The following MYO1D variants were observed in gnomAD, a reference collection of about 807,000 sequenced individuals.
The protein encoded by MYO1D is myosin ID.
A neutral mutation model predicts 122.0 loss-of-function variants in MYO1D; 83 were observed. The observed-to-expected ratio is 0.68, with a 90% CI of 0.57 to 0.82. The LOEUF (loss-of-function observed/expected upper bound fraction) is 0.82. Among genes scored for constraint, MYO1D ranks in the 40% least tolerant of loss-of-function variants. MYO1D has a pLI of 0.00. For synonymous variants in MYO1D, 464 were observed against 446.9 expected, an observed-to-expected ratio of 1.04 and a Z score of -0.48; for missense variants, 1,157 against 1,269.5, an observed-to-expected ratio of 0.91 and a Z score of 1.35.
At chr17:32,640,722 T>A (rs2088186276) in intron 19 of MYO1D, among the ~76,000 whole-genome samples, 1 of 151,314 alleles carries the variant, frequency 6.6e-6, no homozygotes, top group Non-Finnish European at 1.5e-5. Flanking sequence ...ATCCAGTCTA[T>A]CATTGTTGGA....
intron 21 of MYO1D, among the ~76,000 whole-genome samples, chr17:32,560,425 G>A (rs1597897882): frequency 6.7e-6 from 1 of 149,938 alleles, no homozygotes; most frequent in East Asian, 2.0e-4. Context: ...GTAATACTGA[G>A]ATGAAGCCAA....
intron 1 of MYO1D, among the ~76,000 whole-genome samples, chr17:32,872,070 A>T (rs1196954060): frequency 6.6e-6 from 1 of 152,044 alleles, no homozygotes; most frequent in East Asian, 1.9e-4. Flanking sequence ...CTGAGCAGAG[A>T]CCCTTGGAAA....
intron 21 of MYO1D, among the ~76,000 whole-genome samples, chr17:32,572,460 T>A (rs962220925): frequency 2.6e-5 from 4 of 152,310 alleles, no homozygotes; most frequent in Admixed American, 6.5e-5. Context: ...CCAAATATAT[T>A]TCACCATCTC....
chr17:32,786,541 C>G (rs930457677), intron 1 of MYO1D, among the ~76,000 whole-genome samples: 4 of 152,214 alleles, frequency 2.6e-5, no homozygotes, highest in African/African-American at 9.6e-5. Context: ...ATCATTAGGC[C>G]GGGCGCACTG....
intron 14 of MYO1D, among the ~76,000 whole-genome samples, chr17:32,722,894 G>T (rs1324138695): frequency 2.6e-5 from 4 of 152,092 alleles, no homozygotes; most frequent in Non-Finnish European, 4.4e-5. Context: ...CTTCAGGATG[G>T]GAGCTGGTCA....
chr17:32,662,509 A>T (rs1300138672), intron 16 of MYO1D, among the ~76,000 whole-genome samples: 1 of 152,012 alleles, frequency 6.6e-6, no homozygotes, highest in Non-Finnish European at 1.5e-5. Context: ...CGTCTCTACT[A>T]AAAAATACAA....
chr17:32,745,463 G>C, intron 12 of MYO1D, 178 bp from the exon 13 acceptor site: 1 of 518,238 alleles, frequency 1.9e-6, no homozygotes, highest in Non-Finnish European at 3.5e-6. Context: ...AAATAGAAGG[G>C]AATTTTCATC....
chr17:32,673,071 G>A (rs2088744931), intron 16 of MYO1D, among the ~76,000 whole-genome samples: 2 of 125,072 alleles, frequency 1.6e-5, no homozygotes, highest in Admixed American at 9.8e-5. Flanking sequence ...CCATTGTAAG[G>A]AATTACATAA....
chr17:32,565,876 AGG>A (rs2087168700), intron 21 of MYO1D, among the ~76,000 whole-genome samples: 2 of 152,072 alleles, frequency 1.3e-5, no homozygotes, highest in African/African-American at 4.8e-5. Flanking sequence ...GCGTGCCACC[AGG>A]TGTGGCTAAT....
At position 32,748,973 on chromosome 17, in the gene MYO1D, G is replaced by T. The variant is rs747394815; in HGVS notation, c.1501C>A (p.Arg501=). The change falls in exon 12 of 22, where the codon CGA becomes AGA. Residue 501 remains arginine, a synonymous_variant. Transcript: ENST00000318217. The stretch of plus-strand genomic sequence containing the variant: ...GCATAATGTCGAATTCGAAAATCTC[G>T]ATCAAACTCCAGAATTTTGTCTGAG... The part of the protein sequence containing the change: ...CASDKILEFD[R]DFRIRHYAGD... The T allele has an allele frequency of 6.2e-7, 1 of 1,613,810 alleles. No homozygotes were observed. Among genetic ancestry groups the T allele is most frequent in the Non-Finnish European group, 8.5e-7 (1 of 1,179,806 alleles).
chr17:32,543,827 C>T (rs1315191500), intron 21 of MYO1D, among the ~76,000 whole-genome samples: 1 of 152,044 alleles, frequency 6.6e-6, no homozygotes, highest in South Asian at 2.1e-4. Context: ...GAGTCTCGCT[C>T]TGTCACCCAG....
At chr17:32,580,666 C>T (rs565943859) in intron 21 of MYO1D, among the ~76,000 whole-genome samples, 145 of 152,190 alleles carry the variant, frequency 9.5e-4, no homozygotes, top group Non-Finnish European at 1.8e-3. Flanking sequence ...GCCTTGGGCT[C>T]CCAAAGTGCT....
In MYO1D at chr17:32,877,059, G is replaced by C; in HGVS notation, c.-187C>G. 1 of 234,048 alleles carries C rather than the reference G, an allele frequency of 4.3e-6. No homozygotes were observed. Among genetic ancestry groups the C allele is most frequent in the Non-Finnish European group, 8.1e-6 (1 of 123,060 alleles). 14.5% of individuals were successfully genotyped at this position (234,048 alleles called of 1,614,324 possible). A position where few individuals can be genotyped will look rare whatever the true frequency, so the allele number is the denominator to read the frequency against. ...GCTGCTCCTCGGCGCCTTCTCGGCC[G>C]GCGCGGCTCCGAACGGGACGCACCC... On this transcript the variant is annotated 5_prime_UTR_variant, in exon 1 of 22. Coordinates refer to ENST00000318217, the MANE Select transcript of MYO1D (RefSeq NM_015194.3).
intron 20 of MYO1D, among the ~76,000 whole-genome samples, chr17:32,633,779 C>T (rs141001916): frequency 1.3e-5 from 2 of 152,198 alleles, no homozygotes; most frequent in African/African-American, 4.8e-5. Flanking sequence ...ACCAAGTACA[C>T]GTACGGTTCA....
At chr17:32,858,510 T>C (rs1305360568) in intron 1 of MYO1D, among the ~76,000 whole-genome samples, 1 of 152,234 alleles carries the variant, frequency 6.6e-6, no homozygotes, top group East Asian at 1.9e-4. Flanking sequence ...TGGCCTTCAA[T>C]CTGAGCTTGC....
chr17:32,542,523 A>G (rs1359128517), intron 21 of MYO1D, among the ~76,000 whole-genome samples: 1 of 151,898 alleles, frequency 6.6e-6, no homozygotes, highest in Non-Finnish European at 1.5e-5. Flanking sequence ...TGTATTAATG[A>G]GAAGGGACGT....
At chr17:32,762,422 C>T (rs1220669247) in intron 8 of MYO1D, among the ~76,000 whole-genome samples, 1 of 152,160 alleles carries the variant, frequency 6.6e-6, no homozygotes, top group African/African-American at 2.4e-5. Context: ...CATTTCAAAT[C>T]ATCCTCCTCT....
intron 16 of MYO1D, among the ~76,000 whole-genome samples, chr17:32,708,114 T>C (rs908792987): frequency 6.6e-6 from 1 of 152,124 alleles, no homozygotes; most frequent in Non-Finnish European, 1.5e-5. Context: ...AACAGGATAG[T>C]CTTGAGGACT....
chr17:32,752,242 T>C (rs1342137772), intron 11 of MYO1D, among the ~76,000 whole-genome samples: 1 of 152,174 alleles, frequency 6.6e-6, no homozygotes, highest in African/African-American at 2.4e-5. Context: ...AGAATGAAAT[T>C]GGACCCCTGT....
Sources: allele counts gnomAD v4.1 joint callset (sites outside exome capture counted in the v4.1 genomes callset), GRCh38; gene constraint gnomAD v4.1.1; transcripts MANE v1.5; gene names NCBI Gene and HGNC (gene_info 2026-07-23, HGNC 2026-07-21).